Variants in COL6A1 observed in about 807,000 individuals in gnomAD.
COL6A1 encodes collagen alpha-1(VI) chain.
Under a neutral mutation model 145.6 loss-of-function variants are expected in COL6A1, and 80 were observed. The observed-to-expected ratio is 0.55, with a 90% CI of 0.46 to 0.66. The LOEUF is 0.66. Among genes scored for constraint, COL6A1 ranks in the 30% least tolerant of loss-of-function variants. The pLI is 0.00. For missense variants in COL6A1, 1,364 were observed against 1,473.8 expected (o/e 0.93, Z 1.22); for synonymous variants, 638 against 622.8 (o/e 1.02, Z -0.36).
chr21:45,998,434 G>A lies in COL6A1; in HGVS notation c.1611+1G>A, dbSNP rs886042748. ...CAACAGGGGCGCTCCCGGGATAAAC[G>A]TGAGTACGCCCCCTCCTCCATCTGG... On this transcript the variant is annotated splice_donor_variant, in intron 24 of 34. Transcript: ENST00000361866. LOFTEE classifies it high-confidence loss of function. 6.2e-7 allele frequency: 1 copy of A among 1,613,302 alleles called. No homozygotes were observed. Among genetic ancestry groups the A allele is most frequent in the Non-Finnish European group, 8.5e-7 (1 of 1,179,996 alleles).
intron 3 of COL6A1, 97 bp downstream of exon 3, chr21:45,984,566 A>ACAG: frequency 1.7e-6 from 2 of 1,185,708 alleles, no homozygotes; most frequent in Non-Finnish European, 2.4e-6. Flanking sequence ...CTTCAGCTGC[A>ACAG]GCCTCCCTGT....
At chr21:45,984,049 T>G (rs1258108138) in intron 2 of COL6A1, among the ~76,000 whole-genome samples, 1 of 152,204 alleles carries the variant, frequency 6.6e-6, no homozygotes, top group African/African-American at 2.4e-5. Flanking sequence ...GCTCCTGGTC[T>G]GAGGGCCTGA....
At chr21:45,985,006 A>G (rs557384481) in intron 3 of COL6A1, among the ~76,000 whole-genome samples, 60 of 152,178 alleles carry the variant, frequency 3.9e-4, no homozygotes, top group African/African-American at 1.4e-3. Flanking sequence ...ACAGAGACAG[A>G]TAGAAAAAGA....
At chr21:45,995,037 C>G (rs1056554976) in intron 20 of COL6A1, among the ~76,000 whole-genome samples, 3 of 152,376 alleles carry the variant, frequency 2.0e-5, no homozygotes, top group African/African-American at 7.2e-5. Context: ...GGGCCTCAGA[C>G]CCAGGGAGAT....
chr21:45,987,814 GGGAGTCCAGA>G (rs2077749299), intron 8 of COL6A1, among the ~76,000 whole-genome samples, 160 bp downstream of exon 8: 1 of 51,006 alleles, frequency 2.0e-5, no homozygotes, highest in Non-Finnish European at 4.2e-5. Context: ...AGGGGACGGC[GGGAGTCCAGA>G]TGGAGGGGAT....
chr21:45,983,995 C>T (rs2077723200), intron 2 of COL6A1, among the ~76,000 whole-genome samples: 1 of 152,232 alleles, frequency 6.6e-6, no homozygotes, highest in East Asian at 1.9e-4. Context: ...TGCTGCCCCA[C>T]TGCAGGCCCA....
rs147612667 is a variant in COL6A1, at chr21:45,987,157, A to G, written c.720A>G (p.Lys240=). 26 of 1,599,122 alleles carry G rather than the reference A, an allele frequency of 1.6e-5. No individual in the cohort carries two copies. Among genetic ancestry groups the G allele is most frequent in the South Asian group, 6.7e-5 (6 of 89,526 alleles). ...QTIDTIVDMI[K]NNVEQVCCSF... The stretch of plus-strand genomic sequence containing the variant: ...TGCGTTTCCATTTCTCTTTCCAGAA[A>G]AATAACGTGGAGCAAGTGGTAAGAG... Residue 240 remains lysine, a splice_region_variant and synonymous_variant, in exon 6 of 35, where the codon AAA becomes AAG. Coordinates refer to ENST00000361866, the MANE Select transcript of COL6A1 (RefSeq NM_001848.3).
chr21:46,002,346 C>G lies in COL6A1; in HGVS notation c.2195C>G (p.Ser732Ter). 6.3e-7 allele frequency: 1 copy of G among 1,591,822 alleles called. No individual in the cohort carries two copies. Among genetic ancestry groups the G allele is most frequent in the Non-Finnish European group, 8.5e-7 (1 of 1,169,982 alleles). Reference protein sequence around the residue: ...RIALVITDGRSDTQRDTTPLN... With the variant: ...RIALVITDGR ...GCCCTGGTCATCACTGACGGGCGCT[C>G]AGACACTCAGAGGGACACCACACCG... Residue 732 changes from serine to a stop codon, truncating the protein, a stop_gained, in exon 32 of 35, where the codon TCA (serine) becomes TGA (stop). Transcript: ENST00000361866. LOFTEE classifies it high-confidence loss of function.
chr21:45,997,398 G>T (rs371834267), intron 20 of COL6A1, 23 bp from the exon 21 acceptor site: 1 of 1,611,778 alleles, frequency 6.2e-7, no homozygotes, highest in Admixed American at 1.7e-5. Flanking sequence ...GTGGTCCAAC[G>T]TGCCATATCC....
At chr21:46,003,034 GC>G in intron 33 of COL6A1, 85 bp from the exon 34 acceptor site, 1 of 1,599,258 alleles carries the variant, frequency 6.3e-7, no homozygotes, top group South Asian at 1.1e-5. Context: ...CCACCCCTGT[GC>G]TCGGCCGGGA....
At chr21:45,990,308 G>C (rs200542518) in intron 12 of COL6A1, 24 bp downstream of exon 12, 1 of 1,612,794 alleles carries the variant, frequency 6.2e-7, no homozygotes. Context: ...GCTGGGAGGG[G>C]GGAGTTCTGC....
rs1603595158 is a variant in COL6A1, at chr21:46,003,962, G to C, written c.3036G>C (p.Leu1012=). 6.2e-7 allele frequency: 1 copy of C among 1,612,970 alleles called. No individual in the cohort carries two copies. The highest frequency in any genetic ancestry group is 2.2e-5 in the East Asian group (1 of 44,864). The change falls in exon 35 of 35, where the codon CTG becomes CTC. Residue 1012 remains leucine (L), a synonymous_variant. Coordinates refer to ENST00000361866, the MANE Select transcript of COL6A1 (RefSeq NM_001848.3). ...HLFRVPSYQA[L]LRGVFHQTVS... ...TCCGTGTCCCCAGCTACCAGGCCCT[G>C]CTCCGCGGTGTCTTCCACCAGACAG...
chr21:45,998,450 C>T lies in COL6A1; in HGVS notation c.1611+17C>T. ...GGGATAAACGTGAGTACGCCCCCTC[C>T]TCCATCTGGCTGTGGGCACACAAAC... On this transcript the variant is annotated intron_variant, in intron 24 of 34. Coordinates refer to ENST00000361866, the MANE Select transcript of COL6A1 (RefSeq NM_001848.3). The T allele has an allele frequency of 6.2e-7, 1 of 1,613,232 alleles. No individual in the cohort carries two copies. Among genetic ancestry groups the T allele is most frequent in the Non-Finnish European group, 8.5e-7 (1 of 1,179,990 alleles).
chr21:45,983,696 C>T (rs528682811), intron 2 of COL6A1, among the ~76,000 whole-genome samples: 33 of 152,166 alleles, frequency 2.2e-4, no homozygotes, highest in South Asian at 1.2e-3. Context: ...CGGGGAGGGG[C>T]GGCCGCGTGG....
At chr21:45,989,568 C>T (rs1249367996) in intron 9 of COL6A1, 40 bp from the exon 10 acceptor site, 2 of 1,604,800 alleles carry the variant, frequency 1.2e-6, no homozygotes, top group Non-Finnish European at 1.7e-6. Flanking sequence ...CCTGCCCCTG[C>T]TCCTCCGGGG....
At chr21:45,982,605 G>C (rs1286906299) in intron 1 of COL6A1, 29 bp from the exon 2 acceptor site, 27 of 1,612,294 alleles carry the variant, frequency 1.7e-5, no homozygotes, top group Non-Finnish European at 2.3e-5. Flanking sequence ...GCGAGAGCTT[G>C]AAGGCCCCTC....
intron 30 of COL6A1, 76 bp from the exon 31 acceptor site, chr21:46,001,885 C>T: frequency 7.5e-7 from 1 of 1,338,522 alleles, no homozygotes; most frequent in Non-Finnish European, 1.1e-6. Context: ...CACCCGCAGC[C>T]AATAGAGTCA....
chr21:45,997,832 C>T (rs1471479788), intron 22 of COL6A1, 70 bp downstream of exon 22: 8 of 1,496,906 alleles, frequency 5.3e-6, no homozygotes, highest in East Asian at 2.5e-5. Context: ...GCCCCAGCCC[C>T]GCACTGTGGA....
chr21:45,986,174 G>A (rs2077737744), intron 3 of COL6A1, among the ~76,000 whole-genome samples: 1 of 152,172 alleles, frequency 6.6e-6, no homozygotes, highest in Admixed American at 6.5e-5. Flanking sequence ...GCAGCTTGTG[G>A]GTAGACGCGG....
Sources: gnomAD v4.1 joint callset for allele counts (sites outside exome capture counted in the v4.1 genomes callset) on GRCh38, gnomAD v4.1.1 for gene constraint, MANE v1.5 for transcripts, NCBI Gene and HGNC (gene_info 2026-07-23, HGNC 2026-07-21) for gene names.